Variants in SLC2A9 observed in about 807,000 individuals in gnomAD.
SLC2A9 encodes the protein solute carrier family 2 member 9, also known as solute carrier family 2, facilitated glucose transporter member 9.
SLC2A9 carries 39 observed loss-of-function variants against 50.6 expected under a neutral mutation model. The ratio of observed to expected loss-of-function variants is 0.77; its 90% CI spans 0.60 to 1.01. SLC2A9 has a LOEUF of 1.01. Among genes scored for constraint, SLC2A9 ranks in the 50% least tolerant of loss-of-function variants. SLC2A9 has a pLI of 0.00. For synonymous variants in SLC2A9, 324 were observed against 276.9 expected (o/e 1.17, Z -1.69); for missense variants, 686 against 677.6 (o/e 1.01, Z -0.14).
rs2280204 is a variant in SLC2A9 at position 9,908,226 on chromosome 4, T to C, written c.1113+9A>G. On this transcript the variant is annotated intron_variant, in intron 8 of 11. Transcript: ENST00000264784. ...TGGCATTCTCAGGAGTAACCCTCAG[T>C]TGACTTACAGAGAAGACGGCAGCCA... 6.3e-7 allele frequency: 1 copy of C among 1,595,764 alleles called. No homozygotes were observed. The highest frequency in any genetic ancestry group is 8.6e-7 in the Non-Finnish European group (1 of 1,163,344).
chr4:9,871,868 T>C (rs1001784274), intron 10 of SLC2A9, among the ~76,000 whole-genome samples: 2 of 152,228 alleles, frequency 1.3e-5, no homozygotes, highest in Non-Finnish European at 2.9e-5. Flanking sequence ...GTCTGTCTCC[T>C]GGGCTGCCAT....
chr4:9,872,163 T>C (rs954528187), intron 10 of SLC2A9, among the ~76,000 whole-genome samples: 10 of 152,140 alleles, frequency 6.6e-5, no homozygotes, highest in Non-Finnish European at 1.3e-4. Flanking sequence ...ATTTCACTGA[T>C]GGTGAAACTG....
chr4:9,887,647 G>A lies in SLC2A9; in HGVS notation c.1216-5C>T, dbSNP rs1439574316. The A allele has an allele frequency of 2.6e-6, 4 of 1,524,360 alleles. No homozygotes were observed. Among genetic ancestry groups the A allele is most frequent in the Non-Finnish European group, 1.8e-6 (2 of 1,133,288 alleles). 94.4% of individuals were successfully genotyped at this position (1,524,360 alleles called of 1,614,324 possible). A position where few individuals can be genotyped will look rare whatever the true frequency, so the allele number is the denominator to read the frequency against. ...GGGGACCCAGGGGGCGTGGTCCTGGGAGAGAACAGGGAGTGGTCAGGTGAG... is the reference window on the plus strand; with the variant it reads ...GGGGACCCAGGGGGCGTGGTCCTGGAAGAGAACAGGGAGTGGTCAGGTGAG... On this transcript the variant is annotated splice_polypyrimidine_tract_variant and splice_region_variant and intron_variant, in intron 9 of 11. Coordinates refer to ENST00000264784, the MANE Select transcript of SLC2A9 (RefSeq NM_020041.3).
chr4:9,989,765 C>A (rs1757366159), intron 3 of SLC2A9, among the ~76,000 whole-genome samples: 1 of 152,080 alleles, frequency 6.6e-6, no homozygotes. Flanking sequence ...CAGGATCTGA[C>A]TCCAAATATC....
chr4:9,830,991 T>C (rs973611467), intron 11 of SLC2A9, among the ~76,000 whole-genome samples: 1 of 152,206 alleles, frequency 6.6e-6, no homozygotes, highest in Non-Finnish European at 1.5e-5. Context: ...TTGAGGAGCA[T>C]GCTCAGGGCC....
At chr4:9,876,604 C>A (rs1042567081) in intron 10 of SLC2A9, among the ~76,000 whole-genome samples, 13 of 152,136 alleles carry the variant, frequency 8.5e-5, no homozygotes, top group African/African-American at 3.1e-4. Context: ...AACAAACAAA[C>A]AAACAAGCAA....
intron 11 of SLC2A9, among the ~76,000 whole-genome samples, chr4:9,833,935 C>T (rs1054071291): frequency 6.6e-6 from 1 of 152,194 alleles, no homozygotes; most frequent in Non-Finnish European, 1.5e-5. Context: ...GGGCCCCTTG[C>T]TCTGTGCAGA....
intron 10 of SLC2A9, among the ~76,000 whole-genome samples, chr4:9,837,866 C>G (rs1914874): frequency 1.3e-5 from 2 of 151,894 alleles, no homozygotes; most frequent in East Asian, 3.9e-4. Flanking sequence ...CTTGATCTTC[C>G]CAACCAGAGA....
intron 3 of SLC2A9, among the ~76,000 whole-genome samples, chr4:9,810,580 G>A (rs1214292474): frequency 6.6e-6 from 1 of 152,194 alleles, no homozygotes; most frequent in Non-Finnish European, 1.5e-5. Flanking sequence ...CCAGGCATGA[G>A]CATTTACTAA....
downstream of SLC2A9, among the ~76,000 whole-genome samples, chr4:9,794,692 C>T (rs1171054943): frequency 6.6e-6 from 1 of 152,196 alleles, no homozygotes; most frequent in Non-Finnish European, 1.5e-5. Context: ...GATGTAGTGA[C>T]TGCCTACTCT....
At chr4:9,810,832 T>C (rs1722784434) in intron 3 of SLC2A9, among the ~76,000 whole-genome samples, 1 of 151,888 alleles carries the variant, frequency 6.6e-6, no homozygotes, top group Non-Finnish European at 1.5e-5. Flanking sequence ...ATTTTCATCC[T>C]GGAAGGGCCA....
chr4:9,833,258 C>A (rs940113217), intron 11 of SLC2A9, among the ~76,000 whole-genome samples: 3 of 152,112 alleles, frequency 2.0e-5, no homozygotes, highest in Non-Finnish European at 4.4e-5. Context: ...TCATGGAGCC[C>A]CCAGCAGCCC....
intron 3 of SLC2A9, among the ~76,000 whole-genome samples, chr4:9,991,386 G>A (rs1424394328): frequency 1.3e-5 from 2 of 152,284 alleles, no homozygotes; most frequent in East Asian, 1.9e-4. Flanking sequence ...CCTGCCCCCT[G>A]GTTGAGAACC....
intron 1 of SLC2A9, among the ~76,000 whole-genome samples, chr4:10,028,740 C>A (rs1763833274): frequency 6.6e-6 from 1 of 152,216 alleles, no homozygotes; most frequent in African/African-American, 2.4e-5. Context: ...CAAAGGCACC[C>A]TGGCATTAGG....
At chr4:9,775,631 C>T (rs1440713158), downstream of SLC2A9, among the ~76,000 whole-genome samples, 1 of 151,718 alleles carries the variant, frequency 6.6e-6, no homozygotes, top group Non-Finnish European at 1.5e-5. Flanking sequence ...GTGGCATGTC[C>T]CTCCCCACAC....
intron 2 of SLC2A9, among the ~76,000 whole-genome samples, chr4:10,001,974 T>C (rs1431597296): frequency 6.6e-6 from 1 of 152,142 alleles, no homozygotes; most frequent in East Asian, 1.9e-4. Context: ...GCTCAGCCAA[T>C]CAGATGCTGG....
intron 5 of SLC2A9, among the ~76,000 whole-genome samples, chr4:9,950,731 A>AAGGAAAAG (rs1245661844): frequency 0.04 from 1,280 of 32,026 alleles, 282 homozygotes; most frequent in African/African-American, 0.14. Flanking sequence ...GTCTCTACTA[A>AAGGAAAAG]AAATACAAAA....
chr4:9,835,586 T>C (rs1418648138), intron 10 of SLC2A9, among the ~76,000 whole-genome samples: 12 of 152,242 alleles, frequency 7.9e-5, no homozygotes, highest in Non-Finnish European at 1.8e-4. Flanking sequence ...AGGCATTCAT[T>C]GTGTCAACAT....
At chr4:9,877,156 T>G (rs184304570) in intron 10 of SLC2A9, among the ~76,000 whole-genome samples, 3 of 152,370 alleles carry the variant, frequency 2.0e-5, no homozygotes, top group East Asian at 1.9e-4. Context: ...CCTAAAGTGC[T>G]GGGATACTTA....
Sources: gnomAD v4.1 joint callset for allele counts (sites outside exome capture counted in the v4.1 genomes callset) on GRCh38, gnomAD v4.1.1 for gene constraint, MANE v1.5 for transcripts, NCBI Gene and HGNC (gene_info 2026-07-23, HGNC 2026-07-21) for gene names.